Variants in SEMA6D observed in about 807,000 individuals in gnomAD.
SEMA6D encodes the protein semaphorin-6D.
A neutral mutation model predicts 106.6 loss-of-function variants in SEMA6D; 35 were observed. The observed-to-expected ratio is 0.33, with a 90% CI of 0.25 to 0.44. The LOEUF is 0.44. Ranked by LOEUF, SEMA6D falls within the 20% of genes least tolerant of loss-of-function variation. The pLI is 1.00. For synonymous variants in SEMA6D, 499 were observed against 487.7 expected (o/e 1.02, Z -0.31); for missense variants, 1,185 against 1,345.9 (o/e 0.88, Z 1.87).
chr15:47,552,885 TATATAAATATATATATATATAA>T (rs1446650940), intron 3 of SEMA6D, among the ~76,000 whole-genome samples: 6 of 15,418 alleles, frequency 3.9e-4, no homozygotes, highest in African/African-American at 1.6e-3. Context: ...TATATAAATA[TATATAAATATATATATATATAA>T]ATATATATAT....
chr15:47,666,655 G>C (rs1307859633), intron 4 of SEMA6D, among the ~76,000 whole-genome samples: 2 of 152,108 alleles, frequency 1.3e-5, no homozygotes, highest in African/African-American at 4.8e-5. Flanking sequence ...TTTTTTCTTA[G>C]AGTTATCAAA....
intron 1 of SEMA6D, among the ~76,000 whole-genome samples, chr15:47,252,775 A>G (rs1343546832): frequency 6.6e-6 from 1 of 152,016 alleles, no homozygotes; most frequent in African/African-American, 2.4e-5. Flanking sequence ...TATATGCCAC[A>G]TTTTCTTTAT....
rs1555442708 is a variant in SEMA6D at position 47,454,599 on chromosome 15, G to GCACATGCACA, written c.-158-15871_-158-15870insTGCACACACA. On this transcript the variant is annotated intron_variant, in intron 2 of 19. Transcript: ENST00000558014. ...GAGAGTTTACCATCCTTGCACATGT[G>GCACATGCACA]CACACACACACACACACACACACAC... is the stretch of plus-strand genomic sequence containing the variant. 1.2e-3 allele frequency among the ~76,000 whole-genome samples: 177 copies of GCACATGCACA among 148,990 alleles called. 1 individual carries two copies. Among genetic ancestry groups the GCACATGCACA allele is most frequent in the African/African-American group, 4.2e-3 (172 of 40,472 alleles).
chr15:47,628,000 C>G (rs2077231692), intron 4 of SEMA6D, among the ~76,000 whole-genome samples: 2 of 152,174 alleles, frequency 1.3e-5, no homozygotes, highest in African/African-American at 4.8e-5. Context: ...TCCTCTTTAT[C>G]ATTGCATGTA....
At chr15:47,695,091 G>A (rs1393923816) in intron 4 of SEMA6D, among the ~76,000 whole-genome samples, 1 of 152,230 alleles carries the variant, frequency 6.6e-6, no homozygotes, top group African/African-American at 2.4e-5. Flanking sequence ...CAGGCAGATT[G>A]CCTAGCCACT....
intron 1 of SEMA6D, chr15:47,360,035 T>C (rs1012040382): frequency 3.9e-5 from 6 of 152,148 alleles, no homozygotes; most frequent in Non-Finnish European, 5.9e-5. Context: ...AGTTTCTTTT[T>C]TCTTCTTTTT....
At chr15:47,213,464 A>T (rs1330518092) in intron 1 of SEMA6D, among the ~76,000 whole-genome samples, 1 of 152,196 alleles carries the variant, frequency 6.6e-6, no homozygotes, top group Non-Finnish European at 1.5e-5. Context: ...TTACAGTTTT[A>T]TCTGAAGCCA....
chr15:47,531,255 A>G (rs931262987), intron 3 of SEMA6D, among the ~76,000 whole-genome samples: 3 of 152,226 alleles, frequency 2.0e-5, no homozygotes, highest in Non-Finnish European at 2.9e-5. Context: ...ACACTTTAAA[A>G]TTATATGTGC....
At chr15:47,749,010 C>G (rs1033846009) in intron 1 of SEMA6D, among the ~76,000 whole-genome samples, 1 of 148,334 alleles carries the variant, frequency 6.7e-6, no homozygotes, top group Non-Finnish European at 1.5e-5. Flanking sequence ...AGGCTTAAAA[C>G]ACAAGTGCCT....
intron 1 of SEMA6D, among the ~76,000 whole-genome samples, chr15:47,315,071 T>C (rs1231149370): frequency 6.6e-6 from 1 of 151,676 alleles, no homozygotes; most frequent in East Asian, 1.9e-4. Context: ...TTTCACCGTG[T>C]TAGCCAGGAT....
At chr15:47,516,166 G>C (rs1234655750) in intron 3 of SEMA6D, among the ~76,000 whole-genome samples, 1 of 152,094 alleles carries the variant, frequency 6.6e-6, no homozygotes, top group Admixed American at 6.6e-5. Flanking sequence ...TGCACATCCT[G>C]GTTTCTGGAG....
In SEMA6D at chr15:47,771,001, C is replaced by A. The variant is rs746411921; in HGVS notation, c.2438C>A (p.Pro813Gln). ...ACCCCTCAGTTTTTTCCGTCTAGTC[C>A]GCCACCTCATTCCCCATTAAGTCAT... ...KETPQFFPSS[P>Q]PPHSPLSHGH... The change falls in exon 19 of 19, where the codon CCG becomes CAG. Residue 813 changes from proline (P) to glutamine (Q), a missense_variant. By Grantham distance (76) the Pro-to-Gln change is moderately conservative (BLOSUM62 -1). Around this residue, in one of 3 missense-constraint regions of SEMA6D, gnomAD observed 750 missense variants for 783.5 expected, o/e 0.96. Transcript: ENST00000536845. 1.9e-6 allele frequency: 3 copies of A among 1,614,078 alleles called. No homozygotes were observed. Among genetic ancestry groups the A allele is most frequent in the Non-Finnish European group, 2.5e-6 (3 of 1,179,992 alleles).
chr15:47,368,567 T>C (rs1358879349), intron 1 of SEMA6D, among the ~76,000 whole-genome samples: 2 of 151,608 alleles, frequency 1.3e-5, no homozygotes, highest in Admixed American at 1.3e-4. Flanking sequence ...GCCTCCCGGG[T>C]TCACGCCATT....
intron 1 of SEMA6D, among the ~76,000 whole-genome samples, chr15:47,405,459 C>T (rs908246518): frequency 6.6e-6 from 1 of 152,074 alleles, no homozygotes; most frequent in African/African-American, 2.4e-5. Context: ...CCTCAGAGGG[C>T]TAAGTCATTT....
chr15:47,672,863 G>A (rs1264280337), intron 4 of SEMA6D, among the ~76,000 whole-genome samples: 1 of 151,976 alleles, frequency 6.6e-6, no homozygotes, highest in African/African-American at 2.4e-5. Flanking sequence ...TAATGTAAGT[G>A]GCAAAACTTA....
chr15:47,706,723 T>C (rs1161043264), intron 4 of SEMA6D, among the ~76,000 whole-genome samples: 2 of 151,452 alleles, frequency 1.3e-5, no homozygotes, highest in Admixed American at 6.6e-5. Context: ...CTCTCTATTT[T>C]TCTCTCTCTC....
chr15:47,413,543 G>A (rs767101834), intron 2 of SEMA6D, among the ~76,000 whole-genome samples: 2 of 151,788 alleles, frequency 1.3e-5, no homozygotes, highest in Non-Finnish European at 1.5e-5. Context: ...GAGTGCAGAG[G>A]CACAATTACA....
At chr15:47,502,955 G>A (rs1567125675) in intron 3 of SEMA6D, among the ~76,000 whole-genome samples, 1 of 152,112 alleles carries the variant, frequency 6.6e-6, no homozygotes, top group Non-Finnish European at 1.5e-5. Flanking sequence ...TTAAAGCCTG[G>A]TCTCATTTTG....
At chr15:47,597,848 CAT>C (rs537801158) in intron 3 of SEMA6D, among the ~76,000 whole-genome samples, 1 of 148,712 alleles carries the variant, frequency 6.7e-6, no homozygotes. Flanking sequence ...ATCATTCATA[CAT>C]ATATATATAT....
Sources: allele counts gnomAD v4.1 joint callset (sites outside exome capture counted in the v4.1 genomes callset), GRCh38; gene constraint gnomAD v4.1.1; regional missense constraint gnomAD v4.1.1; transcripts MANE v1.5; gene names NCBI Gene and HGNC (gene_info 2026-07-23, HGNC 2026-07-21).